Variants in CACNA1E observed in about 807,000 individuals in gnomAD.
The protein encoded by CACNA1E is calcium voltage-gated channel subunit alpha1 E.
Under a neutral mutation model 259.2 loss-of-function variants are expected in CACNA1E, and 40 were observed. The observed-to-expected ratio is 0.15, with a 90% CI of 0.12 to 0.20. The LOEUF (loss-of-function observed/expected upper bound fraction) is 0.20. Ranked by LOEUF, CACNA1E falls within the 10% of genes least tolerant of loss-of-function variation. CACNA1E has a pLI of 1.00. For synonymous variants in CACNA1E, 1,104 were observed against 1,138.5 expected (o/e 0.97, Z 0.61); for missense variants, 1,874 against 3,040.1 (o/e 0.62, Z 9.02).
At chr1:181,773,493 ATACAACAGTATCTTAT>A (rs1465896652) in intron 37 of CACNA1E, among the ~76,000 whole-genome samples, 1 of 152,274 alleles carries the variant, frequency 6.6e-6, no homozygotes, top group East Asian at 1.9e-4. Context: ...AGAAAAGAAT[ATACAACAGTATCTTAT>A]TTACAAATAT....
chr1:181,338,890 GT>G, intron 1 of CACNA1E, among the ~76,000 whole-genome samples: 1 of 151,318 alleles, frequency 6.6e-6, no homozygotes, highest in East Asian at 1.9e-4. Context: ...TGGATATACA[GT>G]TTTTCTAGCA....
rs34600959 is a variant in CACNA1E at position 181,790,307 on chromosome 1, T to TTA, written c.5787-138_5787-137insTA. 0.08 allele frequency: 34,434 copies of TTA among 432,186 alleles called. 712 individuals carry two copies. The highest frequency in any genetic ancestry group is 0.14 in the East Asian group (3,863 of 27,526). The allele number at this position is 432,186 out of a possible 1,614,324, so 26.8% of individuals were successfully genotyped here. A position where few individuals can be genotyped will look rare whatever the true frequency, so the allele number is the denominator to read the frequency against. On this transcript the variant is annotated intron_variant, in intron 43 of 47. Coordinates refer to ENST00000367573, the MANE Select transcript of CACNA1E (RefSeq NM_001205293.3). ...TTCTAGTGCTTTTTTTTTTTTTTTTTAATTTCAGGACTAGCCACATGTAAG... is the reference window on the plus strand; with the variant it reads ...TTCTAGTGCTTTTTTTTTTTTTTTTTTAAATTTCAGGACTAGCCACATGTAAG...
chr1:181,324,686 T>G (rs1264438751), intron 1 of CACNA1E, among the ~76,000 whole-genome samples: 2 of 152,196 alleles, frequency 1.3e-5, no homozygotes. Context: ...AGGAAGATCC[T>G]GTTCCTTCCA....
chr1:181,683,256 A>T (rs1287766105), intron 7 of CACNA1E, among the ~76,000 whole-genome samples: 1 of 152,222 alleles, frequency 6.6e-6, no homozygotes, highest in Non-Finnish European at 1.5e-5. Flanking sequence ...AATTATTGGA[A>T]AAGAACCAGT....
Position 181,801,881 on chromosome 1 carries a change from CAA to C in CACNA1E, c.*3048_*3049del, listed in dbSNP as rs1473222854. ...ACTCGTCTTCACCATCTCCTCAAAA[CAA>C]GAGCAAAGCCAAGATAGAGGAAGGT... On this transcript the variant is annotated 3_prime_UTR_variant, in exon 48 of 48. Transcript: ENST00000367573. The C allele has an allele frequency of 2.0e-5, 3 of 152,200 alleles. No individual in the cohort carries two copies. The highest frequency in any genetic ancestry group is 7.2e-5 in the African/African-American group (3 of 41,430). The allele number at this position is 152,200 out of a possible 1,614,324, so 9.4% of individuals were successfully genotyped here.
intron 1 of CACNA1E, among the ~76,000 whole-genome samples, chr1:181,493,566 A>G (rs1180085774): frequency 6.6e-6 from 1 of 152,206 alleles, no homozygotes; most frequent in African/African-American, 2.4e-5. Flanking sequence ...TTGTAAAACA[A>G]TATAGACTCA....
In CACNA1E at chr1:181,356,935, C is replaced by T. The variant is rs150856158; in HGVS notation, c.-15+38812C>T. Among the ~76,000 whole-genome samples, 525 of 152,258 alleles carry T rather than the reference C, an allele frequency of 3.4e-3. 1 individual carries two copies. The highest frequency in any genetic ancestry group is 0.012 in the African/African-American group (493 of 41,540). On this transcript the variant is annotated intron_variant, in intron 1 of 11. Coordinates refer to the CACNA1E transcript ENST00000524607. ...CTCGAATGGATTCTAAATATAACCA[C>T]GGCAGCAAAGAGGCTCAGCTAGAGG...
intron 44 of CACNA1E, among the ~76,000 whole-genome samples, chr1:181,792,489 C>T (rs935136117): frequency 1.3e-5 from 2 of 152,218 alleles, no homozygotes; most frequent in Non-Finnish European, 2.9e-5. Context: ...GTTGTTACCA[C>T]GTCTGTCTGG....
chr1:181,323,125 G>A (rs1273934559), intron 1 of CACNA1E, among the ~76,000 whole-genome samples: 1 of 152,174 alleles, frequency 6.6e-6, no homozygotes, highest in Non-Finnish European at 1.5e-5. Context: ...GTCTTGCAGA[G>A]AGTATCTGTG....
At chr1:181,414,193 C>T (rs757396437) in intron 2 of CACNA1E, among the ~76,000 whole-genome samples, 26 of 152,202 alleles carry the variant, frequency 1.7e-4, no homozygotes, top group Non-Finnish European at 3.5e-4. Context: ...TCACTTAATT[C>T]TCTCGGTTGC....
chr1:181,514,173 G>A (rs1370668340), intron 3 of CACNA1E, among the ~76,000 whole-genome samples: 1 of 152,204 alleles, frequency 6.6e-6, no homozygotes, highest in East Asian at 1.9e-4. Flanking sequence ...ACCACATTGT[G>A]TGGCTCTAAG....
At chr1:181,359,251 A>G (rs1400183416) in intron 1 of CACNA1E, among the ~76,000 whole-genome samples, 2 of 152,212 alleles carry the variant, frequency 1.3e-5, no homozygotes, top group Admixed American at 1.3e-4. Context: ...AGAGACATAT[A>G]AACAAATAAG....
At chr1:181,733,378 A>G in intron 20 of CACNA1E, 59 bp from the exon 21 acceptor site, 1 of 1,403,038 alleles carries the variant, frequency 7.1e-7, no homozygotes, top group Non-Finnish European at 9.6e-7. Flanking sequence ...TGTGCCAGGC[A>G]CACCTGCCAT....
chr1:181,484,075 C>G, intron 1 of CACNA1E, 65 bp downstream of exon 1: 1 of 1,497,840 alleles, frequency 6.7e-7, no homozygotes, highest in Non-Finnish European at 9.2e-7. Context: ...AAGGGGGGTA[C>G]CTAGCATGGA....
intron 3 of CACNA1E, among the ~76,000 whole-genome samples, chr1:181,565,647 T>C (rs1435722460): frequency 1.3e-5 from 2 of 152,244 alleles, no homozygotes; most frequent in Admixed American, 1.3e-4. Flanking sequence ...GAAGTATTGT[T>C]GTCAGAGGAA....
At chr1:181,635,454 AGCT>A (rs936088858) in intron 6 of CACNA1E, among the ~76,000 whole-genome samples, 7 of 151,818 alleles carry the variant, frequency 4.6e-5, no homozygotes, top group Admixed American at 4.6e-4. Flanking sequence ...CTCAACCTCA[AGCT>A]TTCTCCTTCC....
At chr1:181,331,506 C>T (rs984401880) in intron 1 of CACNA1E, among the ~76,000 whole-genome samples, 1 of 152,138 alleles carries the variant, frequency 6.6e-6, no homozygotes, top group Non-Finnish European at 1.5e-5. Context: ...GGTCTTTCCT[C>T]TGTTTTTGTT....
chr1:181,320,671 C>T (rs1650269038), intron 1 of CACNA1E, among the ~76,000 whole-genome samples: 1 of 152,112 alleles, frequency 6.6e-6, no homozygotes, highest in African/African-American at 2.4e-5. Context: ...CGAGGTTGAC[C>T]CTTTGTGCTG....
intron 1 of CACNA1E, among the ~76,000 whole-genome samples, chr1:181,340,070 C>G (rs1433740132): frequency 6.8e-6 from 1 of 146,468 alleles, no homozygotes; most frequent in Non-Finnish European, 1.5e-5. Flanking sequence ...TTTTTTACTT[C>G]TAGCACTTTT....
Sources: allele counts gnomAD v4.1 joint callset (sites outside exome capture counted in the v4.1 genomes callset), GRCh38; gene constraint gnomAD v4.1.1; transcripts MANE v1.5; gene names NCBI Gene and HGNC (gene_info 2026-07-23, HGNC 2026-07-21).